The following CCDC148 variants were observed in gnomAD, a reference collection of about 807,000 sequenced individuals.
CCDC148 encodes the protein coiled-coil domain-containing protein 148.
A neutral mutation model predicts 85.7 loss-of-function variants in CCDC148; 89 were observed. The observed-to-expected ratio is 1.04, with a 90% confidence interval of 0.87 to 1.24. CCDC148 has a LOEUF of 1.24. CCDC148 is among the 50% of genes most tolerant of loss of function. The pLI is 0.00. For missense variants in CCDC148, 692 were observed against 671.7 expected (o/e 1.03, Z -0.33); for synonymous variants, 230 against 213.9 (o/e 1.08, Z -0.66).
chr2:158,265,443 T>C (rs1689414940), intron 9 of CCDC148, among the ~76,000 whole-genome samples: 1 of 152,122 alleles, frequency 6.6e-6, no homozygotes, highest in Non-Finnish European at 1.5e-5. Context: ...ATACATCCCA[T>C]GGAAGCTTTA....
intron 10 of CCDC148, among the ~76,000 whole-genome samples, chr2:158,221,860 C>A (rs1245205649): frequency 6.6e-6 from 1 of 151,774 alleles, no homozygotes. Flanking sequence ...AGAGATAAAG[C>A]TAGAAAGGCA....
chr2:158,343,506 C>A (rs1682845410), intron 3 of CCDC148, among the ~76,000 whole-genome samples: 1 of 152,124 alleles, frequency 6.6e-6, no homozygotes, highest in African/African-American at 2.4e-5. Flanking sequence ...ATAATTGTGG[C>A]TTTTGCCCAA....
intron 11 of CCDC148, among the ~76,000 whole-genome samples, chr2:158,192,315 C>T (rs865935912): frequency 1.3e-5 from 2 of 151,862 alleles, no homozygotes; most frequent in African/African-American, 2.4e-5. Flanking sequence ...AGAGGAGGGT[C>T]GTGGGCCAGA....
Position 158,338,850 on chromosome 2 carries a change from A to G in CCDC148, c.640T>C (p.Leu214=), listed in dbSNP as rs770707281. The G allele has an allele frequency of 4.7e-5, 75 of 1,612,668 alleles. No individual in the cohort carries two copies. The highest frequency in any genetic ancestry group is 6.0e-5 in the Non-Finnish European group (71 of 1,179,648). ...TNPLSELPIE[L]ESLECPYPDL... ...GGGTATGGGCATTCCAAACTTTCTA[A>G]TTCAATGGGCAGTTCACTAAGCGGG... The change falls in exon 7 of 14, where the codon TTA becomes CTA. Residue 214 remains leucine (L), a synonymous_variant. Transcript: ENST00000283233.
intron 11 of CCDC148, among the ~76,000 whole-genome samples, chr2:158,202,649 C>T (rs1686027143): frequency 6.6e-6 from 1 of 152,150 alleles, no homozygotes; most frequent in South Asian, 2.1e-4. Context: ...ACGAAAGCAG[C>T]CAGAGACAAA....
intron 11 of CCDC148, among the ~76,000 whole-genome samples, chr2:158,196,728 C>A (rs554169680): frequency 1.3e-5 from 2 of 152,108 alleles, no homozygotes; most frequent in Admixed American, 6.6e-5. Flanking sequence ...ATAAATTTTA[C>A]GTCTACTTTT....
intron 1 of CCDC148, among the ~76,000 whole-genome samples, chr2:158,403,596 C>T (rs971064554): frequency 6.6e-6 from 1 of 151,924 alleles, no homozygotes; most frequent in Non-Finnish European, 1.5e-5. Flanking sequence ...TCCACTGTTC[C>T]TAATGCACCC....
At chr2:158,324,875 C>T (rs1692691734) in intron 7 of CCDC148, among the ~76,000 whole-genome samples, 1 of 152,188 alleles carries the variant, frequency 6.6e-6, no homozygotes, top group East Asian at 1.9e-4. Context: ...ATTCATTCCC[C>T]TCCCAGCATC....
intron 10 of CCDC148, among the ~76,000 whole-genome samples, chr2:158,241,115 G>T (rs1234181351): frequency 6.6e-6 from 1 of 152,146 alleles, no homozygotes; most frequent in Non-Finnish European, 1.5e-5. Flanking sequence ...GTTAGGTTAG[G>T]TTAGGTTAAG....
intron 1 of CCDC148, among the ~76,000 whole-genome samples, chr2:158,450,864 G>C (rs969601304): frequency 2.0e-5 from 3 of 152,032 alleles, no homozygotes; most frequent in Non-Finnish European, 4.4e-5. Context: ...GAAGTTTTAG[G>C]ACATTGCTTC....
At chr2:158,409,763 G>T (rs975391252) in intron 1 of CCDC148, among the ~76,000 whole-genome samples, 15 of 152,276 alleles carry the variant, frequency 9.9e-5, no homozygotes, top group Middle Eastern at 3.4e-3. Context: ...GGGGCAGAAT[G>T]ATATGGTTTG....
At chr2:158,272,172 T>A (rs1354557591) in intron 9 of CCDC148, among the ~76,000 whole-genome samples, 2 of 152,180 alleles carry the variant, frequency 1.3e-5, no homozygotes, top group Non-Finnish European at 2.9e-5. Flanking sequence ...AGAGGTTTCA[T>A]AAGAAGATTT....
intron 11 of CCDC148, among the ~76,000 whole-genome samples, chr2:158,189,874 C>G (rs1412248636): frequency 6.6e-6 from 1 of 151,696 alleles, no homozygotes; most frequent in Non-Finnish European, 1.5e-5. Context: ...AGCAGAGTGC[C>G]TAAAACACAG....
intron 2 of CCDC148, among the ~76,000 whole-genome samples, chr2:158,350,244 T>C (rs1228399224): frequency 2.0e-5 from 3 of 152,182 alleles, no homozygotes; most frequent in Admixed American, 2.0e-4. Context: ...TGAAATATAT[T>C]GATGCTTTCA....
chr2:158,381,344 G>A (rs1419282892), intron 1 of CCDC148, among the ~76,000 whole-genome samples: 1 of 152,146 alleles, frequency 6.6e-6, no homozygotes, highest in Non-Finnish European at 1.5e-5. Flanking sequence ...GGATACCCAA[G>A]TGGCCAATAA....
At chr2:158,335,588 T>C (rs1682333441) in intron 7 of CCDC148, among the ~76,000 whole-genome samples, 4 of 152,218 alleles carry the variant, frequency 2.6e-5, no homozygotes, top group Admixed American at 2.0e-4. Context: ...AGAGAGCTTG[T>C]GGTGGGGAAC....
chr2:158,309,680 A>G (rs1265448779), intron 8 of CCDC148, 41 bp from the exon 9 acceptor site: 2 of 1,346,410 alleles, frequency 1.5e-6, no homozygotes, highest in Admixed American at 4.4e-5. Context: ...CATTATGAAA[A>G]TGAGCTTACA....
intron 1 of CCDC148, among the ~76,000 whole-genome samples, chr2:158,422,271 C>A (rs113971904): frequency 2.6e-5 from 4 of 152,242 alleles, no homozygotes; most frequent in African/African-American, 9.6e-5. Flanking sequence ...CAAAGCCTGG[C>A]AGAGACACAA....
chr2:158,361,423 G>A (rs1273720557), intron 1 of CCDC148, among the ~76,000 whole-genome samples: 3 of 152,158 alleles, frequency 2.0e-5, no homozygotes, highest in Non-Finnish European at 4.4e-5. Flanking sequence ...GGCAGTCAGA[G>A]AGAAAGGTTG....
Sources: gnomAD v4.1 joint callset for allele counts (sites outside exome capture counted in the v4.1 genomes callset) on GRCh38, gnomAD v4.1.1 for gene constraint, MANE v1.5 for transcripts, NCBI Gene and HGNC (gene_info 2026-07-23, HGNC 2026-07-21) for gene names.